Variants in TEX9 observed in about 807,000 individuals in gnomAD.
TEX9 encodes testis-expressed protein 9.
TEX9 carries 74 observed loss-of-function variants against 59.6 expected under a neutral mutation model. That is an observed-to-expected ratio of 1.24 (90% confidence interval 1.03 to 1.51). The LOEUF (loss-of-function observed/expected upper bound fraction) is 1.51, where lower values mean the gene tolerates loss of function less well. Among genes scored for constraint, TEX9 ranks in the 40% most tolerant of loss-of-function variants. The probability of loss-of-function intolerance (pLI) is 0.00; values close to 1 mark genes in which losing one functional copy is unlikely to be tolerated. For missense variants in TEX9, 522 were observed against 447.8 expected, an observed-to-expected ratio of 1.17 and a Z score of -1.49; for synonymous variants, 186 against 152.2, an observed-to-expected ratio of 1.22 and a Z score of -1.64.
intron 10 of TEX9, among the ~76,000 whole-genome samples, chr15:56,426,193 C>A (rs748062301): frequency 6.6e-6 from 1 of 152,030 alleles, no homozygotes; most frequent in Non-Finnish European, 1.5e-5. Flanking sequence ...CTGAGTCAGG[C>A]AAGACAGATA....
At chr15:56,283,049 G>GGTGTGTGTGTGTGTGTGT (rs3985761) in intron 1 of TEX9, among the ~76,000 whole-genome samples, 1 of 148,444 alleles carries the variant, frequency 6.7e-6, no homozygotes, top group African/African-American at 2.5e-5. Context: ...TACATTGTGT[G>GGTGTGTGTGTGTGTGTGT]GTGTGTGTGT....
intron 12 of TEX9, among the ~76,000 whole-genome samples, chr15:56,440,532 T>G (rs532019457): frequency 1.4e-4 from 21 of 152,272 alleles, no homozygotes; most frequent in African/African-American, 4.8e-4. Context: ...TACATCAGAT[T>G]TACTCATCAG....
chr15:56,315,557 G>A (rs1338957614), intron 1 of TEX9, among the ~76,000 whole-genome samples: 22 of 150,316 alleles, frequency 1.5e-4, no homozygotes, highest in African/African-American at 5.3e-4. Flanking sequence ...AGGGTAACCC[G>A]ACCTTTCTCT....
intron 2 of TEX9, among the ~76,000 whole-genome samples, chr15:56,368,184 G>A (rs957889544): frequency 6.6e-6 from 1 of 152,036 alleles, no homozygotes; most frequent in African/African-American, 2.4e-5. Context: ...ATTTGAATGA[G>A]TGTTAAATGT....
At chr15:56,260,308 G>A (rs2044235585) in intron 1 of TEX9, among the ~76,000 whole-genome samples, 1 of 152,050 alleles carries the variant, frequency 6.6e-6, no homozygotes, top group South Asian at 2.1e-4. Flanking sequence ...AGTGGTTTCT[G>A]AATTCAGGAA....
At chr15:56,414,441 G>A (rs943004310) in intron 10 of TEX9, among the ~76,000 whole-genome samples, 1 of 151,488 alleles carries the variant, frequency 6.6e-6, no homozygotes, top group Non-Finnish European at 1.5e-5. Flanking sequence ...CCTTCTTTGT[G>A]TTCTGTAAGT....
At chr15:56,417,482 T>C (rs1474899912) in intron 10 of TEX9, among the ~76,000 whole-genome samples, 1 of 151,942 alleles carries the variant, frequency 6.6e-6, no homozygotes, top group East Asian at 1.9e-4. Context: ...TTGTTTAATT[T>C]CCATGTAACT....
chr15:56,331,730 G>A (rs1345681835), intron 1 of TEX9, among the ~76,000 whole-genome samples: 1 of 151,868 alleles, frequency 6.6e-6, no homozygotes, highest in South Asian at 2.1e-4. Context: ...AGTAATGCAT[G>A]TTAAAGAACT....
intron 9 of TEX9, chr15:56,408,375 C>T (rs2140109453): frequency 6.6e-6 from 1 of 152,306 alleles, no homozygotes; most frequent in African/African-American, 2.4e-5. Context: ...ATTAATTTGG[C>T]TTCTGGAGCA....
At chr15:56,428,444 A>T (rs372989024) in exon 12 of TEX9, 1 of 1,607,268 alleles carries the variant, frequency 6.2e-7, no homozygotes, top group South Asian at 1.1e-5. Context: ...GAAATTCATA[A>T]GTGATCTACT....
intron 2 of TEX9, chr15:56,365,948 G>A (rs1350203321): frequency 1.6e-6 from 2 of 1,219,310 alleles, no homozygotes; most frequent in Non-Finnish European, 2.1e-6. Flanking sequence ...AGATACTGTT[G>A]GAAGTTATTT....
At chr15:56,380,218 A>G (rs1255963600) in intron 3 of TEX9, among the ~76,000 whole-genome samples, 3 of 152,120 alleles carry the variant, frequency 2.0e-5, no homozygotes, top group African/African-American at 7.2e-5. Context: ...GAGGCTTGCA[A>G]ATACTATCAT....
chr15:56,437,300 G>T (rs1439908176), intron 12 of TEX9, among the ~76,000 whole-genome samples: 1 of 152,130 alleles, frequency 6.6e-6, no homozygotes, highest in African/African-American at 2.4e-5. Flanking sequence ...GGAAGGCAAG[G>T]CTATTTCAAC....
chr15:56,408,574 T>C (rs1343271300), intron 9 of TEX9: 1 of 152,224 alleles, frequency 6.6e-6, no homozygotes, highest in Non-Finnish European at 1.5e-5. Context: ...CCACTTGATA[T>C]CTCTATTGTG....
chr15:56,426,622 T>C (rs4002382), intron 10 of TEX9, among the ~76,000 whole-genome samples: 3,433 of 58,056 alleles, frequency 0.059, 429 homozygotes, highest in African/African-American at 0.17. Context: ...TATATATATA[T>C]ATATACACAC....
At chr15:56,389,455 C>A in intron 6 of TEX9, 55 bp downstream of exon 6, 1 of 1,250,816 alleles carries the variant, frequency 8.0e-7, no homozygotes, top group South Asian at 1.3e-5. Context: ...ATTCACAATA[C>A]CATCATTCTT....
chr15:56,265,014 T>A (rs923829206), intron 1 of TEX9, among the ~76,000 whole-genome samples: 7 of 152,228 alleles, frequency 4.6e-5, no homozygotes, highest in Non-Finnish European at 1.0e-4. Flanking sequence ...TTATAGTAAA[T>A]CTTGAAATCT....
In TEX9 at chr15:56,368,103, CA is replaced by C. The variant is rs1458891983; in HGVS notation, c.119+2434del. 6.2e-4 allele frequency among the ~76,000 whole-genome samples: 95 copies of C among 152,262 alleles called. 1 individual carries two copies. Among genetic ancestry groups the C allele is most frequent in the African/African-American group, 2.3e-3 (94 of 41,562 alleles). ...AGAAGCCCACTTTTAATAATCACTA[CA>C]TTTGAGGTTTGCTCTAGGGTTTTGG... On this transcript the variant is annotated intron_variant, in intron 2 of 12. Transcript: ENST00000352903.
chr15:56,350,331 A>G (rs17238663), intron 1 of TEX9, among the ~76,000 whole-genome samples: 6,697 of 152,286 alleles, frequency 0.044, 225 homozygotes, highest in Admixed American at 0.087. Context: ...GTCCCACATA[A>G]CCTTTGGCCT....
Sources: gnomAD v4.1 joint callset for allele counts (sites outside exome capture counted in the v4.1 genomes callset) on GRCh38, gnomAD v4.1.1 for gene constraint, MANE v1.5 for transcripts, NCBI Gene and HGNC (gene_info 2026-07-23, HGNC 2026-07-21) for gene names.